The following HLA-DOB variants were observed in gnomAD, a reference collection of about 807,000 sequenced individuals.
HLA-DOB encodes HLA class II histocompatibility antigen, DO beta chain.
HLA-DOB carries 25 observed loss-of-function variants against 27.7 expected under a neutral mutation model. The ratio of observed to expected loss-of-function variants is 0.90; its 90% CI spans 0.66 to 1.26. The LOEUF is 1.26. HLA-DOB is among the 50% of genes most tolerant of loss of function. HLA-DOB has a pLI of 0.00. For synonymous variants in HLA-DOB, 137 were observed against 125.6 expected (o/e 1.09, Z -0.61); for missense variants, 306 against 324.9 (o/e 0.94, Z 0.45).
In HLA-DOB at chr6:32,812,923, C is replaced by G. The variant is rs1660213073; in HGVS notation, c.*293G>C. The G allele has an allele frequency of 3.9e-6, 2 of 512,520 alleles. No individual in the cohort carries two copies. The highest frequency in any genetic ancestry group is 7.0e-6 in the Non-Finnish European group (2 of 286,032). 31.7% of individuals were successfully genotyped at this position (512,520 alleles called of 1,614,324 possible). A position where few individuals can be genotyped will look rare whatever the true frequency, so the allele number is the denominator to read the frequency against. Reference sequence around the variant, plus strand: ...CATGACTTATAGGAGTAGGGCTGGACCACAGAAAAGTAAATGATTTGGGGC... The same window carrying G: ...CATGACTTATAGGAGTAGGGCTGGAGCACAGAAAAGTAAATGATTTGGGGC... On this transcript the variant is annotated 3_prime_UTR_variant, in exon 6 of 6. Transcript: ENST00000438763.
Position 32,815,096 on chromosome 6 carries a change from C to A in HLA-DOB, c.309G>T (p.Gly103=), listed in dbSNP as rs781287067. The change falls in exon 2 of 6, where the codon GGG becomes GGT. Residue 103 remains glycine (G), a synonymous_variant. Coordinates refer to ENST00000438763, the MANE Select transcript of HLA-DOB (RefSeq NM_002120.4). ...LLERSRQAVD[G]VCRHNYRLGA... is the part of the protein sequence containing the mutation. ...CCAGCCTGTAGTTGTGTCTACAGACCCCATCCACGGCCTGTCTGCTCCTCT... is the reference window on the plus strand; with the variant it reads ...CCAGCCTGTAGTTGTGTCTACAGACACCATCCACGGCCTGTCTGCTCCTCT... The A allele has an allele frequency of 6.2e-7, 1 of 1,614,188 alleles. No individual in the cohort carries two copies. Among genetic ancestry groups the A allele is most frequent in the Non-Finnish European group, 8.5e-7 (1 of 1,180,034 alleles).
chr6:32,816,976 T>C lies in HLA-DOB; in HGVS notation c.-25A>G, dbSNP rs2071470. 458,409 of 1,363,010 alleles carry C rather than the reference T, an allele frequency of 0.34. 71,919 individuals carry two copies. Among genetic ancestry groups the C allele is most frequent in the South Asian group, 0.41 (36,055 of 87,328 alleles). 84.4% of individuals were successfully genotyped at this position (1,363,010 alleles called of 1,614,324 possible). On this transcript the variant is annotated 5_prime_UTR_variant, in exon 1 of 6. Coordinates refer to ENST00000438763, the MANE Select transcript of HLA-DOB (RefSeq NM_002120.4). ...TTCTGGAGAAAGGAAAAAAATGAGA[T>C]AGTAAAATCGTCAGCCTCTTCAGAA...
intron 1 of HLA-DOB, among the ~76,000 whole-genome samples, chr6:32,815,772 G>A (rs1364094271): frequency 3.9e-5 from 6 of 152,220 alleles, no homozygotes; most frequent in Admixed American, 1.3e-4. Context: ...AGTCAGGAAG[G>A]ACGTCCTGAA....
At chr6:32,815,384 C>A in intron 1 of HLA-DOB, 71 bp from the exon 2 acceptor site, 2 of 1,554,360 alleles carry the variant, frequency 1.3e-6, no homozygotes, top group South Asian at 2.3e-5. Flanking sequence ...TAAATTACGT[C>A]AGACCACATG....
intron 4 of HLA-DOB, 89 bp from the exon 5 acceptor site, chr6:32,813,560 G>T: frequency 1.4e-6 from 2 of 1,427,076 alleles, no homozygotes; most frequent in Non-Finnish European, 2.0e-6. Flanking sequence ...GGCAAGGTCA[G>T]CACTCTCTCT....
intron 1 of HLA-DOB, 42 bp from the exon 2 acceptor site, chr6:32,815,355 T>C: frequency 6.2e-7 from 1 of 1,610,332 alleles, no homozygotes; most frequent in Non-Finnish European, 8.5e-7. Flanking sequence ...CCCCCTCCTC[T>C]GGGAAAACCC....
At chr6:32,814,235 G>T in intron 3 of HLA-DOB, 85 bp downstream of exon 3, 2 of 1,290,196 alleles carry the variant, frequency 1.6e-6, no homozygotes, top group Admixed American at 1.9e-5. Flanking sequence ...TTGTGACCAA[G>T]ATAAACGCAG....
rs749345559 is a variant in HLA-DOB, at chr6:32,815,127, A to T, written c.278T>A (p.Leu93His). 1.9e-6 allele frequency: 3 copies of T among 1,614,194 alleles called. No individual in the cohort carries two copies. The African/African-American group carries it at 4.0e-5, about 22-fold the overall frequency. The change falls in exon 2 of 6, where the codon CTC becomes CAC. Residue 93 changes from leucine (L) to histidine (H), a missense_variant. Physicochemically the swap from Leu to His is moderately conservative, Grantham distance 99. Transcript: ENST00000438763. The part of the protein sequence containing the change: ...DAEQWNSRLD[L>H]LERSRQAVDG... The stretch of plus-strand genomic sequence containing the variant: ...CACGGCCTGTCTGCTCCTCTCCAAG[A>T]GATCCAGCCGGCTGTTCCACTGCTC...
intron 1 of HLA-DOB, among the ~76,000 whole-genome samples, 177 bp downstream of exon 1, chr6:32,816,684 A>C (rs1312281713): frequency 5.3e-5 from 8 of 152,216 alleles, no homozygotes; most frequent in Admixed American, 3.9e-4. Context: ...TGGTATATGA[A>C]GTCCATCCCA....
rs760721068 is a variant in HLA-DOB at position 32,814,384 on chromosome 6, A to C, written c.579T>G (p.Leu193=). 37 of 1,612,856 alleles carry C rather than the reference A, an allele frequency of 2.3e-5. No homozygotes were observed. Among genetic ancestry groups the C allele is most frequent in the Non-Finnish European group, 3.4e-6 (4 of 1,180,004 alleles). The stretch of plus-strand genomic sequence containing the variant: ...CGACAAGGCAGGTGTAGACATGTCC[A>C]AGTTCAGGAGTCATTTCTAGCATCA... ...TVVMLEMTPE[L]GHVYTCLVDH... Residue 193 remains leucine (L), a synonymous_variant, in exon 3 of 6, where the codon CTT becomes CTG. Coordinates refer to ENST00000438763, the MANE Select transcript of HLA-DOB (RefSeq NM_002120.4).
At chr6:32,815,494 A>G (rs1767980800) in intron 1 of HLA-DOB, among the ~76,000 whole-genome samples, 181 bp from the exon 2 acceptor site, 1 of 152,234 alleles carries the variant, frequency 6.6e-6, no homozygotes, top group African/African-American at 2.4e-5. Context: ...CATTTATTAA[A>G]TTTTAAAAAC....
chr6:32,813,961 G>A (rs755113481), intron 3 of HLA-DOB, 128 bp from the exon 4 acceptor site: 7 of 720,708 alleles, frequency 9.7e-6, no homozygotes, highest in Non-Finnish European at 1.6e-5. Flanking sequence ...ATTTAGAAAA[G>A]GTTCTTCGAA....
Position 32,814,453 on chromosome 6 carries a change from G to C in HLA-DOB, c.510C>G (p.Ser170=). The change falls in exon 3 of 6, where the codon TCC becomes TCG. Residue 170 remains serine, a synonymous_variant. Transcript: ENST00000438763. ...AGTCTCCATTCCTGATAGGGCCAGT[G>C]GACATGACCCCAGCTCTCTCCTCCT... The part of the protein sequence containing the change: ...NGQEERAGVM[S]TGPIRNGDWT... 6.2e-7 allele frequency: 1 copy of C among 1,613,028 alleles called. No individual in the cohort carries two copies. The highest frequency in any genetic ancestry group is 8.5e-7 in the Non-Finnish European group (1 of 1,179,996).
At chr6:32,813,656 C>A in intron 4 of HLA-DOB, 67 bp downstream of exon 4, 1 of 1,204,014 alleles carries the variant, frequency 8.3e-7, no homozygotes, top group Non-Finnish European at 1.2e-6. Context: ...AGATCATTGA[C>A]GTTAGGGAAG....
intron 1 of HLA-DOB, 89 bp from the exon 2 acceptor site, chr6:32,815,402 G>C: frequency 2.1e-6 from 3 of 1,438,682 alleles, no homozygotes; most frequent in Non-Finnish European, 2.9e-6. Context: ...ATGGATCTAA[G>C]AGGAGGCCTT....
At chr6:32,816,833 T>C in intron 1 of HLA-DOB, 28 bp downstream of exon 1, 1 of 1,585,412 alleles carries the variant, frequency 6.3e-7, no homozygotes, top group Non-Finnish European at 8.7e-7. Flanking sequence ...GCATACACAC[T>C]GGAAAAAAAC....
intron 2 of HLA-DOB, 26 bp downstream of exon 2, chr6:32,815,018 C>A (rs41316241): frequency 0.047 from 75,997 of 1,611,306 alleles, 2,163 homozygotes; most frequent in Non-Finnish European, 0.055. Flanking sequence ...TTCCTGAGCC[C>A]CGCCAGACCT....
At chr6:32,816,710 C>T (rs1309701688) in intron 1 of HLA-DOB, 151 bp downstream of exon 1, 8 of 615,424 alleles carry the variant, frequency 1.3e-5, no homozygotes, top group African/African-American at 9.3e-5. Flanking sequence ...AGAGGCAAGG[C>T]GTACCTTTCT....
At chr6:32,815,527 A>G (rs1248130156) in intron 1 of HLA-DOB, among the ~76,000 whole-genome samples, 2 of 152,244 alleles carry the variant, frequency 1.3e-5, no homozygotes, top group Admixed American at 6.5e-5. Flanking sequence ...ATAATGCTAC[A>G]TATTTCTAAA....
Sources: allele counts gnomAD v4.1 joint callset (sites outside exome capture counted in the v4.1 genomes callset), GRCh38; gene constraint gnomAD v4.1.1; transcripts MANE v1.5; gene names NCBI Gene and HGNC (gene_info 2026-07-23, HGNC 2026-07-21).